The following EPHX2 variants were observed in gnomAD, a reference collection of about 807,000 sequenced individuals.
EPHX2 encodes the protein bifunctional epoxide hydrolase 2.
A neutral mutation model predicts 78.7 loss-of-function variants in EPHX2; 74 were observed. The observed-to-expected ratio is 0.94, with a 90% CI of 0.78 to 1.14. The LOEUF (loss-of-function observed/expected upper bound fraction) is 1.14, where lower values mean the gene tolerates loss of function less well. EPHX2 is among the 50% of genes most tolerant of loss of function. The pLI is 0.00. For missense variants in EPHX2, 715 were observed against 702.5 expected (o/e 1.02, Z -0.20); for synonymous variants, 251 against 255.2 (o/e 0.98, Z 0.16).
intron 8 of EPHX2, among the ~76,000 whole-genome samples, chr8:27,517,758 G>A (rs536066069): frequency 3.3e-4 from 50 of 152,332 alleles, no homozygotes; most frequent in African/African-American, 1.1e-3. Flanking sequence ...AGGCTTAGAT[G>A]TATGACCTGA....
intron 1 of EPHX2, among the ~76,000 whole-genome samples, chr8:27,498,547 C>G (rs1214158987): frequency 6.6e-6 from 1 of 152,098 alleles, no homozygotes; most frequent in Non-Finnish European, 1.5e-5. Flanking sequence ...TAATTTTCCC[C>G]TGTTTTCCCA....
chr8:27,525,113 C>T (rs1316914601), intron 11 of EPHX2, among the ~76,000 whole-genome samples: 10 of 145,540 alleles, frequency 6.9e-5, no homozygotes, highest in East Asian at 2.0e-4. Context: ...TGTGTGCGCG[C>T]GCGCGCGCGC....
At chr8:27,491,486 T>A (rs1398842117) in intron 1 of EPHX2, among the ~76,000 whole-genome samples, 177 bp downstream of exon 1, 1 of 152,250 alleles carries the variant, frequency 6.6e-6, no homozygotes, top group Admixed American at 6.5e-5. Flanking sequence ...CCGTTGTCTT[T>A]CTAAATGTTC....
chr8:27,536,979 G>A, intron 13 of EPHX2, 124 bp downstream of exon 13: 1 of 923,966 alleles, frequency 1.1e-6, no homozygotes. Flanking sequence ...TCTATAGTCA[G>A]GGTAATTGAG....
intron 1 of EPHX2, among the ~76,000 whole-genome samples, chr8:27,495,494 A>T (rs1813539564): frequency 6.6e-6 from 1 of 152,228 alleles, no homozygotes; most frequent in Admixed American, 6.5e-5. Flanking sequence ...GTTGGCATTC[A>T]TGCTCGATTG....
rs1585190621 is a variant in EPHX2 at position 27,505,008 on chromosome 8, A to T, written c.399A>T (p.Arg133Ser). The change falls in exon 4 of 19, where the codon AGA becomes AGT. Residue 133 changes from arginine to serine, a missense_variant. Arg to Ser is a moderately radical substitution (Grantham distance 110). Coordinates refer to ENST00000521400, the MANE Select transcript of EPHX2 (RefSeq NM_001979.6). ...CCTGGCTGGACGACCGTGCTGAGAG[A>T]GATGGCCTGGCCCAGCTGATGTGTG... is the stretch of plus-strand genomic sequence containing the variant. Reference protein sequence around the residue: ...TNTWLDDRAERDGLAQLMCEL... With the variant: ...TNTWLDDRAESDGLAQLMCEL... 1 of 1,614,030 alleles carries T rather than the reference A, an allele frequency of 6.2e-7. No individual in the cohort carries two copies. Among genetic ancestry groups the T allele is most frequent in the African/African-American group, 1.3e-5 (1 of 74,986 alleles).
At chr8:27,507,984 C>T (rs763441197) in intron 5 of EPHX2, among the ~76,000 whole-genome samples, 15 of 152,124 alleles carry the variant, frequency 9.9e-5, no homozygotes, top group African/African-American at 1.4e-4. Context: ...GCCTAATCTC[C>T]GAATACAGTC....
At chr8:27,515,033 A>C (rs1563348955) in intron 6 of EPHX2, among the ~76,000 whole-genome samples, 1 of 152,156 alleles carries the variant, frequency 6.6e-6, no homozygotes, top group Admixed American at 6.5e-5. Flanking sequence ...GAGAAACTCC[A>C]AACAGCCTGT....
chr8:27,548,125 A>G (rs1033160368), downstream of EPHX2, among the ~76,000 whole-genome samples: 3 of 152,212 alleles, frequency 2.0e-5, no homozygotes, highest in Admixed American at 6.5e-5. Flanking sequence ...GTCAATTAGC[A>G]ACATCCAAGG....
At chr8:27,540,517 C>T (rs774310375) in intron 14 of EPHX2, 37 bp from the exon 15 acceptor site, 10 of 1,595,544 alleles carry the variant, frequency 6.3e-6, no homozygotes, top group Middle Eastern at 1.7e-4. Flanking sequence ...ACACCTGGCC[C>T]GGGGATGGGA....
At chr8:27,521,673 T>C (rs986140301) in intron 10 of EPHX2, among the ~76,000 whole-genome samples, 2 of 152,146 alleles carry the variant, frequency 1.3e-5, no homozygotes, top group South Asian at 4.1e-4. Flanking sequence ...GGAACTTTTG[T>C]GTGTGATGGG....
In EPHX2 at chr8:27,503,740, C is replaced by A. The variant is rs1776297505; in HGVS notation, c.323C>A (p.Ala108Glu). Reference protein sequence around the residue: ...ARKINRPMLQAALMLRKKGFT... With the variant: ...ARKINRPMLQEALMLRKKGFT... The stretch of plus-strand genomic sequence containing the variant: ...AAGATCAACCGCCCCATGCTCCAGG[C>A]AGCTCTCATGCTCAGGAAGAAAGGT... The change falls in exon 3 of 19, where the codon GCA (alanine) becomes GAA (glutamate). Residue 108 changes from alanine (A) to glutamate (E), a missense_variant. Transcript: ENST00000521400. The A allele has an allele frequency of 6.2e-7, 1 of 1,612,818 alleles. No homozygotes were observed. Among genetic ancestry groups the A allele is most frequent in the Non-Finnish European group, 8.5e-7 (1 of 1,179,962 alleles).
intron 13 of EPHX2, among the ~76,000 whole-genome samples, chr8:27,537,620 T>G (rs1642925033): frequency 6.6e-6 from 1 of 152,112 alleles, no homozygotes; most frequent in African/African-American, 2.4e-5. Flanking sequence ...CAATAAATAG[T>G]TTTTTTTAAT....
chr8:27,545,260 G>A lies in EPHX2; in HGVS notation c.*738G>A, dbSNP rs7341557. 21,129 of 152,228 alleles carry A rather than the reference G, an allele frequency of 0.14. 1,647 individuals carry two copies. Among genetic ancestry groups the A allele is most frequent in the African/African-American group, 0.21 (8,766 of 41,488 alleles). The allele number at this position is 152,228 out of a possible 1,614,324, so 9.4% of individuals were successfully genotyped here. A position where few individuals can be genotyped will look rare whatever the true frequency, so the allele number is the denominator to read the frequency against. ...TTCATTGAATTGTAATCAGTTTAAA[G>A]TTAAATAGCAGCAGCTGCCATGAGG... On this transcript the variant is annotated 3_prime_UTR_variant, in exon 19 of 19. Coordinates refer to ENST00000521400, the MANE Select transcript of EPHX2 (RefSeq NM_001979.6).
chr8:27,538,772 C>T (rs770451253), intron 14 of EPHX2, 80 bp downstream of exon 14: 2 of 1,510,004 alleles, frequency 1.3e-6, no homozygotes, highest in East Asian at 2.3e-5. Context: ...CTGCTATGGG[C>T]AGAAGCCCTG....
chr8:27,528,583 G>T (rs1166232921), intron 12 of EPHX2, among the ~76,000 whole-genome samples: 1 of 152,158 alleles, frequency 6.6e-6, no homozygotes, highest in Non-Finnish European at 1.5e-5. Context: ...AGCAAATAAA[G>T]CCAATAACAT....
chr8:27,500,748 C>G (rs1373955990), intron 1 of EPHX2, among the ~76,000 whole-genome samples, 178 bp from the exon 2 acceptor site: 1 of 152,194 alleles, frequency 6.6e-6, no homozygotes, highest in Non-Finnish European at 1.5e-5. Flanking sequence ...GTCTCATGTC[C>G]TCAGCTGGAT....
intron 12 of EPHX2, 112 bp from the exon 13 acceptor site, chr8:27,536,670 CTT>C (rs957096022): frequency 1.0e-6 from 1 of 1,001,832 alleles, no homozygotes; most frequent in Non-Finnish European, 1.5e-6. Context: ...TCTGATGAAA[CTT>C]GGGCTGGATG....
intron 6 of EPHX2, 118 bp downstream of exon 6, chr8:27,512,028 G>A (rs529999978): frequency 2.0e-6 from 2 of 1,001,928 alleles, no homozygotes; most frequent in East Asian, 5.2e-5. Flanking sequence ...AGCCTGGGAA[G>A]TGGAGGTTGC....
Sources: gnomAD v4.1 joint callset for allele counts (sites outside exome capture counted in the v4.1 genomes callset) on GRCh38, gnomAD v4.1.1 for gene constraint, MANE v1.5 for transcripts, NCBI Gene and HGNC (gene_info 2026-07-23, HGNC 2026-07-21) for gene names.